Variants in SCIN observed in about 807,000 individuals in gnomAD.
SCIN encodes the protein adseverin.
In SCIN, 91 loss-of-function variants were observed where a neutral mutation model predicts 91.8. The observed-to-expected ratio is 0.99, with a 90% CI of 0.84 to 1.18. The LOEUF is 1.18. Among genes scored for constraint, SCIN ranks in the 50% most tolerant of loss-of-function variants. The pLI is 0.00. For missense variants in SCIN, 1,087 were observed against 863.9 expected, an observed-to-expected ratio of 1.26 and a Z score of -3.24; for synonymous variants, 367 against 312.6, an observed-to-expected ratio of 1.17 and a Z score of -1.84.
At chr7:12,614,279 C>A (rs1783255674) in intron 4 of SCIN, among the ~76,000 whole-genome samples, 1 of 152,150 alleles carries the variant, frequency 6.6e-6, no homozygotes, top group East Asian at 1.9e-4. Flanking sequence ...TGATGGCATA[C>A]AAGTGCTTCT....
rs1239490555 is a variant in SCIN at position 12,653,150 on chromosome 7, T to A, written c.*435T>A. 6.6e-6 allele frequency: 1 copy of A among 152,220 alleles called. No individual in the cohort carries two copies. The highest frequency in any genetic ancestry group is 1.5e-5 in the Non-Finnish European group (1 of 68,326). The allele number at this position is 152,220 out of a possible 1,614,324, so 9.4% of individuals were successfully genotyped here. A position where few individuals can be genotyped will look rare whatever the true frequency, so the allele number is the denominator to read the frequency against. ...CCTCAACCAAACGCCTATTTTTTAA[T>A]GCTTAGTTTTGGCTTGAAATTCTTC... On this transcript the variant is annotated 3_prime_UTR_variant, in exon 16 of 16. Coordinates refer to ENST00000297029, the MANE Select transcript of SCIN (RefSeq NM_001112706.3). The surrounding 1 kb of genome is among the most constrained non-coding windows in gnomAD (Gnocchi z 4.1).
Position 12,570,926 on chromosome 7 carries a change from T to C in SCIN, c.140T>C (p.Leu47Pro), listed in dbSNP as rs750156560. 19 of 1,551,378 alleles carry C rather than the reference T, an allele frequency of 1.2e-5. No homozygotes were observed. Among genetic ancestry groups the C allele is most frequent in the Admixed American group, 3.9e-5 (2 of 50,988 alleles). Residue 47 changes from leucine (L) to proline (P), a missense_variant, in exon 1 of 16, where the codon CTG becomes CCG. Transcript: ENST00000297029. ...GACTTCTACGTCGGGGATGCCTACC[T>C]GGTGCTGCACACGGCCAAGACGAGC... The part of the protein sequence containing the change: ...HGDFYVGDAY[L>P]VLHTAKTSRG...
At chr7:12,646,487 A>G (rs1783967803) in intron 13 of SCIN, among the ~76,000 whole-genome samples, 1 of 152,196 alleles carries the variant, frequency 6.6e-6, no homozygotes, top group Admixed American at 6.5e-5. Flanking sequence ...CTACCATGCC[A>G]TTGGAGGCTA....
intron 4 of SCIN, among the ~76,000 whole-genome samples, chr7:12,607,916 C>T (rs1247755662): frequency 6.6e-6 from 1 of 152,160 alleles, no homozygotes; most frequent in Non-Finnish European, 1.5e-5. Context: ...GGAAGAATTA[C>T]AACTTTATTT....
At chr7:12,575,048 T>C (rs1486164853) in intron 1 of SCIN, among the ~76,000 whole-genome samples, 1 of 152,130 alleles carries the variant, frequency 6.6e-6, no homozygotes, top group East Asian at 1.9e-4. Context: ...ACAGATCCTG[T>C]ACATGTTTTT....
chr7:12,597,581 C>G (rs934622883), intron 3 of SCIN, among the ~76,000 whole-genome samples: 4 of 152,184 alleles, frequency 2.6e-5, no homozygotes, highest in Admixed American at 2.6e-4. Context: ...TTTCTGTCCT[C>G]AAATGATGTC....
At chr7:12,579,492 C>A (rs183351842) in intron 2 of SCIN, among the ~76,000 whole-genome samples, 4 of 152,292 alleles carry the variant, frequency 2.6e-5, no homozygotes, top group Admixed American at 6.5e-5. Context: ...TAGTTATGAA[C>A]CCATTTCTGC....
intron 9 of SCIN, 49 bp downstream of exon 9, chr7:12,629,271 G>T (rs1783595729): frequency 1.3e-6 from 2 of 1,561,330 alleles, no homozygotes; most frequent in African/African-American, 1.4e-5. Context: ...GCCAGATTTT[G>T]CTCCAAAGTA....
rs1784081155 is a variant in SCIN, at chr7:12,651,643, T to C, written c.1960-198T>C. ...AATCTGAAGTGAAACAGGCTGGATG[T>C]AGATTTAGGTGTCTCCTGATGAGTG... On this transcript the variant is annotated intron_variant, in intron 14 of 15. Transcript: ENST00000297029. This position sits in a 1 kb window ranked among gnomAD's most constrained non-coding sequence, Gnocchi z 5.9. Among the ~76,000 whole-genome samples the C allele has an allele frequency of 1.3e-5, 2 of 152,132 alleles. No individual in the cohort carries two copies. The highest frequency in any genetic ancestry group is 1.3e-4 in the Admixed American group (2 of 15,264).
chr7:12,628,600 T>C (rs919246967), intron 8 of SCIN, among the ~76,000 whole-genome samples: 3 of 152,188 alleles, frequency 2.0e-5, no homozygotes, highest in African/African-American at 7.2e-5. Context: ...GATTTCAACA[T>C]ACATTGTGGA....
At position 12,625,010 on chromosome 7, in the gene SCIN, G is replaced by T. The variant is rs753093710; in HGVS notation, c.760G>T (p.Val254Phe). The change falls in exon 6 of 16, where the codon GTT becomes TTT. Residue 254 changes from valine (V) to phenylalanine (F), a missense_variant and splice_region_variant. Transcript: ENST00000297029. Reference sequence around the variant, plus strand: ...ATGGAGGTCATGGTTTTTATATTAGGTTTCAGATGCAAGTGGCTCCATGAG... The same window carrying T: ...ATGGAGGTCATGGTTTTTATATTAGTTTTCAGATGCAAGTGGCTCCATGAG... ...SNRKMAKLYM[V>F]SDASGSMRVT... is the part of the protein sequence containing the mutation. 5 of 1,553,626 alleles carry T rather than the reference G, an allele frequency of 3.2e-6. No homozygotes were observed. In the South Asian group the frequency reaches 4.8e-5, roughly 15 times the overall value.
chr7:12,632,847 C>T (rs112625974), intron 9 of SCIN, among the ~76,000 whole-genome samples: 49 of 152,276 alleles, frequency 3.2e-4, no homozygotes, highest in African/African-American at 1.1e-3. Context: ...GGTCATTTAG[C>T]TTTCTTCTTT....
chr7:12,635,994 C>G (rs1783743066), intron 9 of SCIN, 51 bp from the exon 10 acceptor site: 2 of 1,362,754 alleles, frequency 1.5e-6, no homozygotes, highest in African/African-American at 1.4e-5. Context: ...CTACATGTGA[C>G]GATCTTAAAA....
intron 1 of SCIN, among the ~76,000 whole-genome samples, chr7:12,576,675 T>C (rs1782378737): frequency 6.6e-6 from 1 of 152,194 alleles, no homozygotes; most frequent in Admixed American, 6.6e-5. Context: ...TAAGAACCTG[T>C]GCTTCAGAGT....
rs1391658078 is a variant in SCIN, at chr7:12,649,459, C to G, written c.1882-8C>G. On this transcript the variant is annotated splice_polypyrimidine_tract_variant and splice_region_variant and intron_variant, in intron 13 of 15. Transcript: ENST00000297029. ...CTTTTTGCTCATATAGCTTTTTATACCTTTCAGATTGAAGAGATTCCAGGA... is the reference window on the plus strand; with the variant it reads ...CTTTTTGCTCATATAGCTTTTTATAGCTTTCAGATTGAAGAGATTCCAGGA... The G allele has an allele frequency of 1.3e-6, 2 of 1,577,764 alleles. No homozygotes were observed. The highest frequency in any genetic ancestry group is 1.7e-6 in the Non-Finnish European group (2 of 1,159,108).
chr7:12,625,789 A>G lies in SCIN; in HGVS notation c.920A>G (p.Lys307Arg). ...AAAGATGCTAATCCCCAAGAGAGGA[A>G]GGCTGCAATGAAGACAGCTGAAGAA... is the stretch of plus-strand genomic sequence containing the variant. Reference protein sequence around the residue: ...KGKDANPQERKAAMKTAEEFL... With the variant: ...KGKDANPQERRAAMKTAEEFL... Residue 307 changes from lysine (K) to arginine (R), a missense_variant, in exon 7 of 16, where the codon AAG becomes AGG. By Grantham distance (26) the Lys-to-Arg change is conservative (BLOSUM62 2). Transcript: ENST00000297029. 8.7e-6 allele frequency: 14 copies of G among 1,612,450 alleles called. No individual in the cohort carries two copies. Among genetic ancestry groups the G allele is most frequent in the Non-Finnish European group, 1.1e-5 (13 of 1,178,852 alleles).
intron 3 of SCIN, among the ~76,000 whole-genome samples, chr7:12,591,034 G>T (rs533388660): frequency 1.1e-3 from 165 of 152,188 alleles, no homozygotes; most frequent in African/African-American, 3.4e-3. Flanking sequence ...AGCAATCTGG[G>T]GGGTAGCTGG....
chr7:12,640,387 G>A lies in SCIN; in HGVS notation c.1451G>A (p.Ser484Asn). Residue 484 changes from serine to asparagine, a missense_variant, in exon 11 of 16, where the codon AGT becomes AAT. Coordinates refer to ENST00000297029, the MANE Select transcript of SCIN (RefSeq NM_001112706.3). ...GGCAAAGAGCCTGTTCACCTACTGA[G>A]TTTGTTCAAAGACAAACCGCTCATT... The part of the protein sequence containing the change: ...SQGKEPVHLL[S>N]LFKDKPLIIY... The A allele has an allele frequency of 6.2e-7, 1 of 1,611,852 alleles. No homozygotes were observed. Among genetic ancestry groups the A allele is most frequent in the Non-Finnish European group, 8.5e-7 (1 of 1,179,006 alleles).
intron 8 of SCIN, among the ~76,000 whole-genome samples, chr7:12,627,510 C>T (rs540114824): frequency 7.9e-5 from 12 of 152,164 alleles, no homozygotes; most frequent in Admixed American, 5.9e-4. Flanking sequence ...TCATCGATTC[C>T]TTGAGGACAG....
Sources: allele counts gnomAD v4.1 joint callset (sites outside exome capture counted in the v4.1 genomes callset), GRCh38; gene constraint gnomAD v4.1.1; non-coding constraint Gnocchi (gnomAD v3.1); transcripts MANE v1.5; gene names NCBI Gene and HGNC (gene_info 2026-07-23, HGNC 2026-07-21).